Variants in CDH13 observed in about 807,000 individuals in gnomAD.
CDH13 encodes the protein cadherin-13.
Under a neutral mutation model 63.8 loss-of-function variants are expected in CDH13, and 24 were observed. The ratio of observed to expected loss-of-function variants is 0.38; its 90% CI spans 0.27 to 0.53. CDH13 has a LOEUF of 0.53. Among genes scored for constraint, CDH13 ranks in the 20% least tolerant of loss-of-function variants. The pLI, the probability that CDH13 is intolerant of heterozygous loss-of-function variation, is 0.85. For missense variants in CDH13, 1,049 were observed against 903.1 expected, an observed-to-expected ratio of 1.16 and a Z score of -2.07; for synonymous variants, 503 against 355.3, an observed-to-expected ratio of 1.42 and a Z score of -4.67.
chr16:83,014,544 G>A (rs913486108), intron 2 of CDH13, among the ~76,000 whole-genome samples: 11 of 150,450 alleles, frequency 7.3e-5, no homozygotes, highest in Admixed American at 2.7e-4. Context: ...GACCAGCCTG[G>A]CCAACATGGT....
chr16:82,799,679 G>C (rs2036756716), intron 1 of CDH13, among the ~76,000 whole-genome samples: 1 of 152,178 alleles, frequency 6.6e-6, no homozygotes, highest in Non-Finnish European at 1.5e-5. Flanking sequence ...CTCTAATTCA[G>C]TGTGGGATTT....
chr16:83,215,073 C>CT lies in CDH13; in HGVS notation c.484-2251dup, dbSNP rs571565652. On this transcript the variant is annotated intron_variant, in intron 4 of 13. Transcript: ENST00000567109. Reference sequence around the variant, plus strand: ...TTTCATCAGAGAGTATCAAACACCTCTTTTTTTTTTTTTTTTTTTTTGAGA... The same window carrying CT: ...TTTCATCAGAGAGTATCAAACACCTCTTTTTTTTTTTTTTTTTTTTTTGAGA... Among the ~76,000 whole-genome samples the CT allele has an allele frequency of 5.7e-4, 32 of 56,238 alleles. 1 individual carries two copies. Among genetic ancestry groups the CT allele is most frequent in the African/African-American group, 1.9e-3 (26 of 13,908 alleles). The allele number at this position is 56,238 out of a possible 152,430, so 36.9% of individuals were successfully genotyped here. A position where few individuals can be genotyped will look rare whatever the true frequency, so the allele number is the denominator to read the frequency against.
intron 7 of CDH13, among the ~76,000 whole-genome samples, chr16:83,585,338 G>A (rs1216509437): frequency 1.3e-5 from 2 of 152,188 alleles, no homozygotes; most frequent in Admixed American, 6.5e-5. Flanking sequence ...GGGCAGTGGG[G>A]ATGAGGAGGT....
intron 4 of CDH13, among the ~76,000 whole-genome samples, chr16:83,201,334 T>C (rs1286563963): frequency 6.6e-6 from 1 of 151,964 alleles, no homozygotes; most frequent in East Asian, 1.9e-4. Flanking sequence ...TCAGGAAGTA[T>C]GTCAGGTACT....
At chr16:82,753,438 T>C (rs2034495730) in intron 1 of CDH13, among the ~76,000 whole-genome samples, 1 of 152,154 alleles carries the variant, frequency 6.6e-6, no homozygotes, top group Admixed American at 6.5e-5. Flanking sequence ...TTATCCTCTC[T>C]ATAATGACAA....
rs141137836 is a variant in CDH13, at chr16:83,255,703, C to G, written c.636+38206C>G. Among the ~76,000 whole-genome samples, 403 of 152,274 alleles carry G rather than the reference C, an allele frequency of 2.6e-3. 2 individuals carry two copies. Among genetic ancestry groups the G allele is most frequent in the African/African-American group, 9.0e-3 (376 of 41,550 alleles). On this transcript the variant is annotated intron_variant, in intron 5 of 13. Transcript: ENST00000567109. ...GAATTCTAGGGTGACTTTTATTATGCTCTTTTCAATATTGGTAATAAAGTG... is the reference window on the plus strand; with the variant it reads ...GAATTCTAGGGTGACTTTTATTATGGTCTTTTCAATATTGGTAATAAAGTG...
chr16:83,228,402 A>G (rs2039904836), intron 5 of CDH13, among the ~76,000 whole-genome samples: 1 of 152,172 alleles, frequency 6.6e-6, no homozygotes, highest in Non-Finnish European at 1.5e-5. Flanking sequence ...AGGTTTGGAT[A>G]GTCAAGAAGT....
intron 8 of CDH13, among the ~76,000 whole-genome samples, chr16:83,653,731 C>T (rs955267869): frequency 6.6e-6 from 1 of 152,132 alleles, no homozygotes. Context: ...CTTTATTTTT[C>T]TTCAAATAAT....
chr16:83,376,767 C>T (rs147932070), intron 6 of CDH13, among the ~76,000 whole-genome samples: 3 of 152,106 alleles, frequency 2.0e-5, no homozygotes, highest in South Asian at 2.1e-4. Context: ...TTGTCCCCTC[C>T]CCTTGATTCT....
chr16:83,487,153 T>A (rs893636318), intron 7 of CDH13, among the ~76,000 whole-genome samples: 1 of 152,210 alleles, frequency 6.6e-6, no homozygotes, highest in East Asian at 1.9e-4. Flanking sequence ...CTCATCCCTT[T>A]AGGCTTTCTC....
intron 1 of CDH13, among the ~76,000 whole-genome samples, chr16:82,692,686 T>C (rs897173257): frequency 6.6e-6 from 1 of 152,190 alleles, no homozygotes; most frequent in Non-Finnish European, 1.5e-5. Flanking sequence ...TATGGCAGTG[T>C]GGTCCTTAGC....
chr16:82,986,288 G>T (rs534789850), intron 2 of CDH13, among the ~76,000 whole-genome samples: 6 of 152,272 alleles, frequency 3.9e-5, no homozygotes, highest in Non-Finnish European at 8.8e-5. Context: ...CCCCAGAACT[G>T]GCTCATGTGG....
chr16:82,776,664 G>A (rs901387959), intron 1 of CDH13, among the ~76,000 whole-genome samples: 2 of 152,148 alleles, frequency 1.3e-5, no homozygotes, highest in Non-Finnish European at 1.5e-5. Flanking sequence ...TTTTCATTGC[G>A]CCCACATGGG....
At chr16:83,000,064 A>G (rs985064996) in intron 2 of CDH13, among the ~76,000 whole-genome samples, 15 of 152,146 alleles carry the variant, frequency 9.9e-5, no homozygotes, top group African/African-American at 2.9e-4. Context: ...CAAAATGTCA[A>G]TAGTGCTGTG....
Position 82,732,545 on chromosome 16 carries a change from A to G in CDH13, c.45+105408A>G, listed in dbSNP as rs145623909. On this transcript the variant is annotated intron_variant, in intron 1 of 13. Coordinates refer to ENST00000567109, the MANE Select transcript of CDH13 (RefSeq NM_001257.5). ...GTTGTAAATGATTTGAAACAGGAAG[A>G]TGAATGGAATGGAATGAGGGTTGTT... Among the ~76,000 whole-genome samples the G allele has an allele frequency of 8.3e-4, 127 of 152,340 alleles. No homozygotes were observed. The East Asian group carries it at 0.023, about 27-fold the overall frequency.
intron 2 of CDH13, among the ~76,000 whole-genome samples, chr16:82,861,866 A>G (rs538797480): frequency 8.4e-4 from 128 of 152,338 alleles, no homozygotes; most frequent in African/African-American, 2.6e-3. Context: ...TCTTCACTGC[A>G]TCTTTCAGAG....
intron 3 of CDH13, among the ~76,000 whole-genome samples, chr16:83,070,806 C>G (rs2032373668): frequency 6.8e-6 from 1 of 147,992 alleles, no homozygotes; most frequent in Admixed American, 6.8e-5. Context: ...TTGTCTTAAG[C>G]AATAGTATAT....
intron 6 of CDH13, among the ~76,000 whole-genome samples, chr16:83,461,152 A>G (rs910683725): frequency 1.1e-4 from 17 of 152,190 alleles, no homozygotes; most frequent in African/African-American, 3.9e-4. Flanking sequence ...ACAAGTGTTG[A>G]CTGTACTATT....
At chr16:83,089,243 C>T (rs368392231) in intron 3 of CDH13, among the ~76,000 whole-genome samples, 9 of 152,212 alleles carry the variant, frequency 5.9e-5, no homozygotes, top group East Asian at 3.8e-4. Flanking sequence ...AGCCCACTAA[C>T]GTCACATCTC....
Sources: allele counts gnomAD v4.1 joint callset (sites outside exome capture counted in the v4.1 genomes callset), GRCh38; gene constraint gnomAD v4.1.1; transcripts MANE v1.5; gene names NCBI Gene and HGNC (gene_info 2026-07-23, HGNC 2026-07-21).